The following VRK2 variants were observed in gnomAD, a reference collection of about 807,000 sequenced individuals.
VRK2 encodes the protein VRK serine/threonine kinase 2.
A neutral mutation model predicts 57.6 loss-of-function variants in VRK2; 60 were observed. That is an observed-to-expected ratio of 1.04 (90% CI 0.85 to 1.29). The LOEUF is 1.29. VRK2 is among the 50% of genes most tolerant of loss of function. VRK2 has a pLI of 0.00. For synonymous variants in VRK2, 231 were observed against 199.2 expected (o/e 1.16, Z -1.35); for missense variants, 705 against 588.1 (o/e 1.20, Z -2.06).
intron 7 of VRK2, among the ~76,000 whole-genome samples, chr2:58,095,677 G>A (rs1365428963): frequency 1.3e-5 from 2 of 151,994 alleles, no homozygotes; most frequent in Non-Finnish European, 2.9e-5. Flanking sequence ...GTTCTTTAGA[G>A]TTTTCTTAGA....
chr2:57,939,592 A>G (rs535794035), intron 1 of VRK2, among the ~76,000 whole-genome samples: 3 of 152,356 alleles, frequency 2.0e-5, no homozygotes, highest in East Asian at 3.9e-4. Flanking sequence ...AAAAGCATAT[A>G]GTGCTATAAA....
chr2:58,021,287 A>T (rs979477916), intron 1 of VRK2, among the ~76,000 whole-genome samples: 1 of 152,122 alleles, frequency 6.6e-6, no homozygotes, highest in African/African-American at 2.4e-5. Flanking sequence ...GATTGTTCCT[A>T]ACATCTAACC....
intron 3 of VRK2, 86 bp from the exon 4 acceptor site, chr2:58,084,795 T>C: frequency 2.3e-6 from 2 of 881,386 alleles, no homozygotes; most frequent in Non-Finnish European, 3.5e-6. Context: ...ACTACATATA[T>C]ATGTTCATAT....
chr2:58,021,625 A>G (rs561625341), intron 1 of VRK2, among the ~76,000 whole-genome samples: 2 of 152,252 alleles, frequency 1.3e-5, no homozygotes, highest in East Asian at 3.9e-4. Flanking sequence ...GTTAATATTA[A>G]TTCTATCTTT....
chr2:57,953,896 C>T (rs184310325), intron 1 of VRK2, among the ~76,000 whole-genome samples: 117 of 152,170 alleles, frequency 7.7e-4, no homozygotes, highest in Non-Finnish European at 9.7e-4. Flanking sequence ...TGAATAAAAT[C>T]GTATCACAAA....
chr2:58,135,266 T>A, intron 10 of VRK2, 67 bp downstream of exon 10: 1 of 1,580,814 alleles, frequency 6.3e-7, no homozygotes. Context: ...CGTTATCGTT[T>A]GGTAGCTTTT....
chr2:58,048,587 G>C (rs891042993), intron 1 of VRK2: 2 of 1,440,390 alleles, frequency 1.4e-6, no homozygotes. Context: ...GATGAAATTT[G>C]GTTAGTTTGC....
chr2:58,047,548 A>G, intron 1 of VRK2: 1 of 701,842 alleles, frequency 1.4e-6, no homozygotes, highest in Non-Finnish European at 1.8e-6. Context: ...TATCTTTTTT[A>G]TAATTATTTA....
chr2:57,933,309 C>T (rs142765203), intron 1 of VRK2, among the ~76,000 whole-genome samples: 19 of 63,278 alleles, frequency 3.0e-4, no homozygotes, highest in Admixed American at 4.6e-4. Context: ...CTTTCTTTTT[C>T]TTTTTTTTTT....
In VRK2 at chr2:58,005,904, C is replaced by A. The variant is rs181435805; in HGVS notation, c.-438-19761C>A. 3.3e-5 allele frequency among the ~76,000 whole-genome samples: 5 copies of A among 152,256 alleles called. No homozygotes were observed. The East Asian group carries it at 9.6e-4, about 29-fold the overall frequency. On this transcript the variant is annotated intron_variant, in intron 1 of 15. Transcript: ENST00000417641. Reference sequence around the variant, plus strand: ...ACCTCAAGGGTAGTAGCCTCTCTAACCTCCTCTAAGGGGATTGCTGCTGCT... The same window carrying A: ...ACCTCAAGGGTAGTAGCCTCTCTAAACTCCTCTAAGGGGATTGCTGCTGCT...
At chr2:58,079,890 T>G (rs1670621603) in intron 2 of VRK2, among the ~76,000 whole-genome samples, 1 of 151,932 alleles carries the variant, frequency 6.6e-6, no homozygotes, top group South Asian at 2.1e-4. Flanking sequence ...CTTATTAATT[T>G]CTATTTATGT....
At chr2:58,015,455 G>A (rs187767196) in intron 1 of VRK2, among the ~76,000 whole-genome samples, 6 of 152,180 alleles carry the variant, frequency 3.9e-5, no homozygotes, top group African/African-American at 9.6e-5. Flanking sequence ...ATGGAAAATC[G>A]GTTGAGAATT....
At chr2:58,006,599 C>T (rs950355148) in intron 1 of VRK2, among the ~76,000 whole-genome samples, 6 of 152,094 alleles carry the variant, frequency 3.9e-5, no homozygotes, top group African/African-American at 1.2e-4. Flanking sequence ...GAAGTCACTA[C>T]ATTAGAAAAC....
Position 58,083,408 on chromosome 2 carries a change from C to A in VRK2, c.137-681C>A, listed in dbSNP as rs191015793. 4.0e-5 allele frequency among the ~76,000 whole-genome samples: 6 copies of A among 151,442 alleles called. No individual in the cohort carries two copies. In the East Asian group the frequency reaches 1.2e-3, roughly 29 times the overall value. On this transcript the variant is annotated intron_variant, in intron 2 of 12. Coordinates refer to ENST00000340157, the MANE Select transcript of VRK2 (RefSeq NM_006296.7). ...AGATTAATTTGTTTTAAAATGTGAACACTGGAGTTTTTAAAAGTAGGGTTA... is the reference window on the plus strand; with the variant it reads ...AGATTAATTTGTTTTAAAATGTGAAAACTGGAGTTTTTAAAAGTAGGGTTA...
chr2:58,062,695 G>C (rs1677531225), intron 2 of VRK2, among the ~76,000 whole-genome samples: 1 of 152,086 alleles, frequency 6.6e-6, no homozygotes, highest in Non-Finnish European at 1.5e-5. Context: ...TTCTGGGAAA[G>C]CTGAGAGAGG....
chr2:58,120,314 C>T (rs1677280277), intron 7 of VRK2, among the ~76,000 whole-genome samples: 1 of 150,424 alleles, frequency 6.6e-6, no homozygotes, highest in Admixed American at 6.7e-5. Flanking sequence ...CCTCAGCTTC[C>T]TGAGTAGCTC....
At chr2:58,116,219 G>A (rs71206885) in intron 7 of VRK2, among the ~76,000 whole-genome samples, 56 of 151,712 alleles carry the variant, frequency 3.7e-4, no homozygotes, top group African/African-American at 1.0e-3. Context: ...TAAGGGGTGC[G>A]TGATCGGTCG....
chr2:57,938,933 C>A (rs1446676587), intron 1 of VRK2, among the ~76,000 whole-genome samples: 1 of 152,126 alleles, frequency 6.6e-6, no homozygotes, highest in Non-Finnish European at 1.5e-5. Context: ...TCACTAATAA[C>A]AATTCCTCAT....
intron 8 of VRK2, among the ~76,000 whole-genome samples, chr2:58,124,654 A>G (rs555121244): frequency 3.3e-5 from 5 of 152,194 alleles, no homozygotes; most frequent in African/African-American, 4.8e-5. Context: ...TAAAAGGACC[A>G]TTGACCATGT....
Sources: gnomAD v4.1 joint callset for allele counts (sites outside exome capture counted in the v4.1 genomes callset) on GRCh38, gnomAD v4.1.1 for gene constraint, MANE v1.5 for transcripts, NCBI Gene and HGNC (gene_info 2026-07-23, HGNC 2026-07-21) for gene names.